TMEM87B: variants seen among roughly 807,000 people sequenced by gnomAD.
TMEM87B encodes the protein transmembrane protein 87B.
A neutral mutation model predicts 80.3 loss-of-function variants in TMEM87B; 83 were observed. That is an observed-to-expected ratio of 1.03 (90% confidence interval 0.87 to 1.24). The LOEUF is 1.24. Among genes scored for constraint, TMEM87B ranks in the 50% most tolerant of loss-of-function variants. The pLI is 0.00. For synonymous variants in TMEM87B, 219 were observed against 230.5 expected (o/e 0.95, Z 0.45); for missense variants, 625 against 674.4 (o/e 0.93, Z 0.81).
At chr2:112,087,515 A>C (rs1354074426) in intron 9 of TMEM87B, among the ~76,000 whole-genome samples, 1 of 150,584 alleles carries the variant, frequency 6.6e-6, no homozygotes, top group Non-Finnish European at 1.5e-5. Context: ...CATTTCCCCC[A>C]CATCTGGACC....
intron 6 of TMEM87B, among the ~76,000 whole-genome samples, chr2:112,077,954 C>T (rs1004633659): frequency 1.3e-5 from 2 of 152,204 alleles, no homozygotes; most frequent in African/African-American, 4.8e-5. Context: ...CATGTGAGGG[C>T]CCTGGGGATT....
intron 5 of TMEM87B, 76 bp downstream of exon 5, chr2:112,075,038 A>G: frequency 6.6e-7 from 1 of 1,509,826 alleles, no homozygotes; most frequent in Non-Finnish European, 8.9e-7. Context: ...TGATGGATAG[A>G]TACTTAGAGA....
intron 4 of TMEM87B, 32 bp from the exon 5 acceptor site, chr2:112,074,880 T>C (rs1678761214): frequency 6.5e-7 from 1 of 1,538,114 alleles, no homozygotes; most frequent in Middle Eastern, 1.7e-4. Flanking sequence ...AATGCAGCAG[T>C]ATAAAATGGC....
Position 112,055,411 on chromosome 2 carries a change from C to T in TMEM87B, c.-181C>T. On this transcript the variant is annotated 5_prime_UTR_variant, in exon 1 of 19. Transcript: ENST00000283206. ...AGAGCCCTAAGCCCTGCCTCCCGGT[C>T]CTGGCCGGGTTTCCCAGAACTGCAC... 1 of 665,896 alleles carries T rather than the reference C, an allele frequency of 1.5e-6. No individual in the cohort carries two copies. Among genetic ancestry groups the T allele is most frequent in the Non-Finnish European group, 2.3e-6 (1 of 427,664 alleles). The allele number at this position is 665,896 out of a possible 1,614,324, so 41.2% of individuals were successfully genotyped here.
At chr2:112,056,890 C>T (rs1195621525) in intron 1 of TMEM87B, among the ~76,000 whole-genome samples, 1 of 152,174 alleles carries the variant, frequency 6.6e-6, no homozygotes, top group African/African-American at 2.4e-5. Flanking sequence ...AAAAGTAGAA[C>T]TCAGTGAACT....
Position 112,095,967 on chromosome 2 carries a change from C to T in TMEM87B, c.1105-1077C>T, listed in dbSNP as rs901075748. Among the ~76,000 whole-genome samples the T allele has an allele frequency of 2.6e-5, 4 of 152,138 alleles. No homozygotes were observed. The South Asian group carries it at 8.3e-4, about 32-fold the overall frequency. ...TCATCCTTGGCAATGTTGAACTTCA[C>T]CTGAGCCCTGTGCTCCTGGAAAACA... On this transcript the variant is annotated intron_variant, in intron 11 of 18. Transcript: ENST00000283206.
intron 17 of TMEM87B, among the ~76,000 whole-genome samples, chr2:112,109,780 G>A (rs1178958025): frequency 3.6e-5 from 1 of 28,024 alleles, no homozygotes; most frequent in South Asian, 1.1e-3. Context: ...TTTTTTTTTT[G>A]AGACGGAGTC....
chr2:112,095,403 C>T, intron 11 of TMEM87B: 1 of 984,538 alleles, frequency 1.0e-6, no homozygotes, highest in Non-Finnish European at 1.2e-6. Context: ...TTACACTTTA[C>T]CTAAATTTAA....
chr2:112,082,481 T>C (rs1453988365), intron 8 of TMEM87B, among the ~76,000 whole-genome samples: 4 of 152,166 alleles, frequency 2.6e-5, no homozygotes, highest in Non-Finnish European at 5.9e-5. Flanking sequence ...CGTTGCTAAT[T>C]ATTGAAGCTG....
At position 112,097,296 on chromosome 2, in the gene TMEM87B, G is replaced by GTA; in HGVS notation, c.1272+8_1272+9dup. 1 of 1,591,848 alleles carries GTA rather than the reference G, an allele frequency of 6.3e-7. No homozygotes were observed. The highest frequency in any genetic ancestry group is 8.5e-7 in the Non-Finnish European group (1 of 1,171,368). The stretch of plus-strand genomic sequence containing the variant: ...AGAATTGCAAAATGCCAATCAGTAA[G>GTA]TATAACCTTCCTATTTAAACAGTTA... On this transcript the variant is annotated splice_donor_region_variant and intron_variant, in intron 13 of 18. Coordinates refer to ENST00000283206, the MANE Select transcript of TMEM87B (RefSeq NM_032824.3).
chr2:112,084,688 A>G (rs1679094184), intron 8 of TMEM87B, among the ~76,000 whole-genome samples: 1 of 152,228 alleles, frequency 6.6e-6, no homozygotes, highest in Non-Finnish European at 1.5e-5. Flanking sequence ...TGGATTCACA[A>G]CTGGTTTTGC....
chr2:112,094,670 C>T (rs919165485), intron 11 of TMEM87B, among the ~76,000 whole-genome samples: 3 of 152,056 alleles, frequency 2.0e-5, no homozygotes, highest in African/African-American at 7.3e-5. Context: ...ATAAGGAAAA[C>T]AGATGAAAGA....
chr2:112,090,625 C>G (rs1213015761), intron 10 of TMEM87B, among the ~76,000 whole-genome samples: 1 of 152,148 alleles, frequency 6.6e-6, no homozygotes, highest in Non-Finnish European at 1.5e-5. Flanking sequence ...CAGGGTCTCA[C>G]TATGTTGCCC....
intron 1 of TMEM87B, among the ~76,000 whole-genome samples, chr2:112,057,127 C>A (rs915929261): frequency 6.6e-6 from 1 of 152,146 alleles, no homozygotes; most frequent in South Asian, 2.1e-4. Flanking sequence ...AATTTTACTC[C>A]TGTGTGACCC....
chr2:112,055,859 C>G, intron 1 of TMEM87B, 103 bp downstream of exon 1: 3 of 1,338,186 alleles, frequency 2.2e-6, no homozygotes, highest in Non-Finnish European at 2.9e-6. Context: ...TCTGCCGGGT[C>G]AGCACCGGGT....
chr2:112,076,162 G>GC (rs1678806716), intron 5 of TMEM87B, among the ~76,000 whole-genome samples: 1 of 152,074 alleles, frequency 6.6e-6, no homozygotes. Flanking sequence ...TGAGGCACAA[G>GC]AATTGCTTGA....
Position 112,112,892 on chromosome 2 carries a change from A to G in TMEM87B, c.1578-7A>G, listed in dbSNP as rs776732870. 8.7e-6 allele frequency: 14 copies of G among 1,611,596 alleles called. No individual in the cohort carries two copies. In the Middle Eastern group the frequency reaches 6.6e-4, roughly 76 times the overall value. On this transcript the variant is annotated splice_polypyrimidine_tract_variant and splice_region_variant and intron_variant, in intron 17 of 18. Transcript: ENST00000283206. ...ACATTATCACCTTTTTTTCCCTTTT[A>G]TTTCAGAGCTCTTCCAGTGTTAGTG...
intron 4 of TMEM87B, among the ~76,000 whole-genome samples, chr2:112,071,297 T>C (rs1416057711): frequency 9.8e-5 from 12 of 122,224 alleles, no homozygotes; most frequent in Non-Finnish European, 1.7e-4. Context: ...TGCTAGTGAT[T>C]CCCCCCCCGC....
intron 7 of TMEM87B, 23 bp from the exon 8 acceptor site, chr2:112,081,312 T>A (rs1678990424): frequency 6.3e-7 from 1 of 1,576,916 alleles, no homozygotes; most frequent in African/African-American, 1.4e-5. Context: ...CTTAACTGAC[T>A]AAAATTGCTT....
Sources: gnomAD v4.1 joint callset for allele counts (sites outside exome capture counted in the v4.1 genomes callset) on GRCh38, gnomAD v4.1.1 for gene constraint, MANE v1.5 for transcripts, NCBI Gene and HGNC (gene_info 2026-07-23, HGNC 2026-07-21) for gene names.